ABI3BP: variants seen among roughly 807,000 people sequenced by gnomAD.
The protein encoded by ABI3BP is ABI family member 3 binding protein.
ABI3BP carries 216 observed loss-of-function variants against 268.6 expected under a neutral mutation model. The observed-to-expected ratio is 0.80, with a 90% CI of 0.72 to 0.90. The LOEUF is 0.90. ABI3BP is among the 40% of genes least tolerant of loss of function. The pLI, the probability that ABI3BP is intolerant of heterozygous loss-of-function variation, is 0.00. For missense variants in ABI3BP, 2,090 were observed against 2,182.4 expected, an observed-to-expected ratio of 0.96 and a Z score of 0.84; for synonymous variants, 730 against 730.0, an observed-to-expected ratio of 1.00 and a Z score of 0.00.
At position 100,780,603 on chromosome 3, in the gene ABI3BP, A is replaced by T. The variant is rs182953638; in HGVS notation, c.4163-394T>A. On this transcript the variant is annotated intron_variant, in intron 57 of 67. Coordinates refer to ENST00000471714, the MANE Select transcript of ABI3BP (RefSeq NM_001375547.2). ...TTTTTCTTCCAATCCCTCTATGCCCATTAAAAAAAACCCACACACATACAC... is the reference window on the plus strand; with the variant it reads ...TTTTTCTTCCAATCCCTCTATGCCCTTTAAAAAAAACCCACACACATACAC... Among the ~76,000 whole-genome samples the T allele has an allele frequency of 2.6e-5, 4 of 151,396 alleles. No homozygotes were observed. In the East Asian group the frequency reaches 7.7e-4, roughly 29 times the overall value.
intron 20 of ABI3BP, among the ~76,000 whole-genome samples, chr3:100,843,188 A>G (rs1489344591): frequency 6.6e-6 from 1 of 152,222 alleles, no homozygotes; most frequent in African/African-American, 2.4e-5. Flanking sequence ...ATTTAAAGGC[A>G]TTATCATCCA....
intron 2 of ABI3BP, chr3:100,912,276 TAA>T (rs71132535): frequency 3.6e-3 from 90 of 24,674 alleles, no homozygotes; most frequent in South Asian, 8.0e-3. Flanking sequence ...CTCTCTTTTG[TAA>T]AAAAAAAAAA....
chr3:100,796,530 C>A, intron 51 of ABI3BP, 62 bp from the exon 52 acceptor site: 3 of 1,248,672 alleles, frequency 2.4e-6, no homozygotes, highest in South Asian at 1.6e-5. Flanking sequence ...GTGAGCTTAA[C>A]CCACAGATAT....
chr3:100,754,909 T>TA (rs1033192464), intron 63 of ABI3BP, among the ~76,000 whole-genome samples: 1 of 152,154 alleles, frequency 6.6e-6, no homozygotes, highest in Admixed American at 6.5e-5. Flanking sequence ...ATTAAGTTAA[T>TA]AAAAAAGATG....
At chr3:100,894,956 A>AAAAAAAAAAAAAAAAAAAAACAAAC (rs1554076985) in intron 4 of ABI3BP, among the ~76,000 whole-genome samples, 1 of 131,440 alleles carries the variant, frequency 7.6e-6, no homozygotes, top group Non-Finnish European at 1.7e-5. Context: ...AAAAAAAAAA[A>AAAAAAAAAAAAAAAAAAAAACAAAC]AAAAAAAAAA....
At chr3:100,781,621 G>C (rs1025404224) in intron 57 of ABI3BP, among the ~76,000 whole-genome samples, 2 of 152,032 alleles carry the variant, frequency 1.3e-5, no homozygotes, top group Admixed American at 6.5e-5. Flanking sequence ...CCTGCATGGG[G>C]GTCACTGGGG....
At chr3:100,928,379 T>A (rs1040724693) in intron 1 of ABI3BP, among the ~76,000 whole-genome samples, 2 of 152,116 alleles carry the variant, frequency 1.3e-5, no homozygotes, top group Admixed American at 6.6e-5. Context: ...ACCACTTTTG[T>A]GCAGCATGTG....
At chr3:100,914,059 TAGCACAATC>T (rs1433725037) in intron 2 of ABI3BP, among the ~76,000 whole-genome samples, 1 of 152,098 alleles carries the variant, frequency 6.6e-6, no homozygotes, top group Non-Finnish European at 1.5e-5. Context: ...GGTTGGGAAA[TAGCACAATC>T]AGCACAAACA....
At chr3:100,983,798 C>T (rs529127546) in intron 1 of ABI3BP, among the ~76,000 whole-genome samples, 1 of 152,154 alleles carries the variant, frequency 6.6e-6, no homozygotes, top group African/African-American at 2.4e-5. Context: ...ACAGTCACAG[C>T]TCCTCAGATC....
chr3:100,751,609 A>C lies in ABI3BP; in HGVS notation c.5188T>G (p.Phe1730Val). 2 of 1,601,478 alleles carry C rather than the reference A, an allele frequency of 1.2e-6. No individual in the cohort carries two copies. The highest frequency in any genetic ancestry group is 8.5e-7 in the Non-Finnish European group (1 of 1,173,132). ...TGCTGCCCAGTGCGTCCATCTAAAA[A>C]TGAATCCACAAACTGGCAGTGATCT... is the stretch of plus-strand genomic sequence containing the variant. ...GEDHCQFVDS[F>V]LDGRTGQQLT... The change falls in exon 67 of 68, where the codon TTT becomes GTT. Residue 1730 changes from phenylalanine to valine, a missense_variant. By Grantham distance (50) the Phe-to-Val change is conservative (BLOSUM62 -1). Coordinates refer to ENST00000471714, the MANE Select transcript of ABI3BP (RefSeq NM_001375547.2).
In ABI3BP at chr3:100,957,782, C is replaced by T. The variant is rs114884292; in HGVS notation, c.80-31301G>A. ...AAATTTGACCCTGGTTCCGCCTGCT[C>T]ACAGCTCAGCTCCTGATGCAGGGAA... On this transcript the variant is annotated intron_variant, in intron 1 of 67. Coordinates refer to ENST00000471714, the MANE Select transcript of ABI3BP (RefSeq NM_001375547.2). Among the ~76,000 whole-genome samples the T allele has an allele frequency of 1.9e-3, 295 of 152,326 alleles. 1 individual carries two copies. Among genetic ancestry groups the T allele is most frequent in the African/African-American group, 6.6e-3 (273 of 41,574 alleles).
intron 16 of ABI3BP, 148 bp from the exon 17 acceptor site, chr3:100,850,267 A>G: frequency 2.7e-6 from 2 of 732,434 alleles, no homozygotes; most frequent in South Asian, 3.8e-5. Context: ...AAAGCTAGTG[A>G]ATAAAATTCT....
At chr3:100,903,821 A>G (rs1325041840) in intron 2 of ABI3BP, among the ~76,000 whole-genome samples, 1 of 152,196 alleles carries the variant, frequency 6.6e-6, no homozygotes, top group Non-Finnish European at 1.5e-5. Context: ...AACCTGCTGC[A>G]GTAATTACCG....
intron 29 of ABI3BP, among the ~76,000 whole-genome samples, 176 bp downstream of exon 29, chr3:100,834,508 A>G (rs2152841532): frequency 6.6e-6 from 1 of 152,246 alleles, no homozygotes. Context: ...GTCCTCACGC[A>G]ATCAGAATGA....
At chr3:100,911,613 G>C in intron 2 of ABI3BP, 1 of 685,672 alleles carries the variant, frequency 1.5e-6, no homozygotes. Context: ...TGTTTTTACT[G>C]CTTGGCTAAA....
Position 100,926,431 on chromosome 3 carries a change from G to A in ABI3BP, c.130C>T (p.Leu44Phe), listed in dbSNP as rs1306785051. The A allele has an allele frequency of 1.2e-6, 2 of 1,613,418 alleles. No homozygotes were observed. The highest frequency in any genetic ancestry group is 8.5e-7 in the Non-Finnish European group (1 of 1,179,556). The change falls in exon 2 of 68, where the codon CTC (leucine) becomes TTC (phenylalanine). Residue 44 changes from leucine to phenylalanine, a missense_variant. Physicochemically the swap from Leu to Phe is conservative, Grantham distance 22. Transcript: ENST00000471714. ...VHINTTSDSI[L>F]LKFLRPSPNV... The stretch of plus-strand genomic sequence containing the variant: ...GGACTTGGACGCAAGAACTTCAAGA[G>A]GATGGAGTCACTTGTGGTATTGATG...
chr3:100,918,033 C>T (rs539282607), intron 2 of ABI3BP, among the ~76,000 whole-genome samples: 1 of 151,506 alleles, frequency 6.6e-6, no homozygotes, highest in Non-Finnish European at 1.5e-5. Flanking sequence ...AATTTTGCGC[C>T]TTGGAGGAAA....
intron 61 of ABI3BP, among the ~76,000 whole-genome samples, chr3:100,772,264 G>C (rs2096567174): frequency 6.6e-6 from 1 of 152,182 alleles, no homozygotes; most frequent in African/African-American, 2.4e-5. Context: ...CAGGTAGGAA[G>C]GAAACAATGC....
rs1166137524 is a variant in ABI3BP at position 100,751,283 on chromosome 3, G to A, written c.5245+269C>T. Among the ~76,000 whole-genome samples the A allele has an allele frequency of 2.6e-5, 4 of 152,142 alleles. No individual in the cohort carries two copies. In the East Asian group the frequency reaches 7.7e-4, roughly 29 times the overall value. On this transcript the variant is annotated intron_variant, in intron 67 of 67. Coordinates refer to ENST00000471714, the MANE Select transcript of ABI3BP (RefSeq NM_001375547.2). ...CAAAACCCATAACATTAATAAATGAGTGATTTAAGTTTGGGAAACTGCTTT... is the reference window on the plus strand; with the variant it reads ...CAAAACCCATAACATTAATAAATGAATGATTTAAGTTTGGGAAACTGCTTT...
Sources: allele counts gnomAD v4.1 joint callset (sites outside exome capture counted in the v4.1 genomes callset), GRCh38; gene constraint gnomAD v4.1.1; transcripts MANE v1.5; gene names NCBI Gene and HGNC (gene_info 2026-07-23, HGNC 2026-07-21).